MAPKAP1: variants seen among roughly 807,000 people sequenced by gnomAD.
The protein encoded by MAPKAP1 is MAPK associated protein 1.
MAPKAP1 carries 20 observed loss-of-function variants against 65.7 expected under a neutral mutation model. The observed-to-expected ratio is 0.30, with a 90% CI of 0.21 to 0.44. The LOEUF (loss-of-function observed/expected upper bound fraction) is 0.44, where lower values mean the gene tolerates loss of function less well. Ranked by LOEUF, MAPKAP1 falls within the 20% of genes least tolerant of loss-of-function variation. The pLI is 1.00. For missense variants in MAPKAP1, 423 were observed against 648.0 expected (o/e 0.65, Z 3.77); for synonymous variants, 222 against 244.3 (o/e 0.91, Z 0.85).
chr9:125,663,699 CAG>C (rs1014104310), intron 3 of MAPKAP1, among the ~76,000 whole-genome samples: 1 of 151,942 alleles, frequency 6.6e-6, no homozygotes, highest in African/African-American at 2.4e-5. Flanking sequence ...GAAGGGAGGA[CAG>C]AGAGAGCAGA....
rs187521590 is a variant in MAPKAP1 at position 125,663,452 on chromosome 9, C to T, written c.350-5653G>A. 6.6e-4 allele frequency among the ~76,000 whole-genome samples: 101 copies of T among 152,160 alleles called. 1 individual carries two copies. The highest frequency in any genetic ancestry group is 3.5e-3 in the East Asian group (18 of 5,172). On this transcript the variant is annotated intron_variant, in intron 3 of 11. Transcript: ENST00000265960. ...TACACAAAATAGCAAAATTCTCTGC[C>T]TAGCATTCCTTATCCCCCTTACCTG...
In MAPKAP1 at chr9:125,707,073, A is replaced by T; in HGVS notation, c.-172T>A. The T allele has an allele frequency of 2.5e-6, 1 of 397,692 alleles. No individual in the cohort carries two copies. The highest frequency in any genetic ancestry group is 4.4e-6 in the Non-Finnish European group (1 of 225,608). 24.6% of individuals were successfully genotyped at this position (397,692 alleles called of 1,614,324 possible). On this transcript the variant is annotated 5_prime_UTR_variant, in exon 1 of 12. Transcript: ENST00000265960. ...TCCCGGCCCCTGCCCCGAGCTCTGC[A>T]CTCTCGGGATCCACGGGGACCGGCG...
intron 4 of MAPKAP1, among the ~76,000 whole-genome samples, chr9:125,655,597 CTAATT>C (rs1324831911): frequency 1.3e-5 from 2 of 152,138 alleles, no homozygotes; most frequent in Non-Finnish European, 2.9e-5. Context: ...TAAAGAAAGA[CTAATT>C]TAATATGTAC....
intron 4 of MAPKAP1, among the ~76,000 whole-genome samples, chr9:125,598,552 T>C (rs1268851469): frequency 4.6e-5 from 7 of 152,240 alleles, no homozygotes; most frequent in East Asian, 1.9e-4. Context: ...CTATAACTAA[T>C]AGAAACTAGG....
intron 5 of MAPKAP1, among the ~76,000 whole-genome samples, chr9:125,562,421 T>C (rs920529117): frequency 2.0e-5 from 3 of 152,232 alleles, no homozygotes; most frequent in African/African-American, 7.2e-5. Context: ...TGCCATATTA[T>C]ACAAGATGAA....
At position 125,525,274 on chromosome 9, in the gene MAPKAP1, CT is replaced by C. The variant is rs376047379; in HGVS notation, c.958+17784del. 5.1e-3 allele frequency among the ~76,000 whole-genome samples: 771 copies of C among 152,254 alleles called. 4 individuals carry two copies. The highest frequency in any genetic ancestry group is 0.018 in the African/African-American group (727 of 41,530). On this transcript the variant is annotated intron_variant, in intron 7 of 11. Transcript: ENST00000265960. ...CCTTGGTGCTTTGCAAGGATCGCTG[CT>C]TAATTCTCACAATAATGCTATGAAG...
At chr9:125,589,613 T>C (rs1440551487) in intron 4 of MAPKAP1, among the ~76,000 whole-genome samples, 1 of 152,210 alleles carries the variant, frequency 6.6e-6, no homozygotes. Flanking sequence ...TTTAACTCTA[T>C]AATTCTATCA....
At chr9:125,646,560 C>T (rs566706053) in intron 4 of MAPKAP1, among the ~76,000 whole-genome samples, 5 of 152,234 alleles carry the variant, frequency 3.3e-5, no homozygotes, top group Admixed American at 3.3e-4. Flanking sequence ...TAAAACCTTC[C>T]TTAAAAGGGG....
intron 4 of MAPKAP1, among the ~76,000 whole-genome samples, chr9:125,615,284 A>G (rs1564583651): frequency 6.6e-6 from 1 of 152,212 alleles, no homozygotes; most frequent in Non-Finnish European, 1.5e-5. Flanking sequence ...TAAATGATAT[A>G]TCATGTTCAA....
At chr9:125,531,790 C>A (rs1011875120) in intron 7 of MAPKAP1, among the ~76,000 whole-genome samples, 1 of 152,264 alleles carries the variant, frequency 6.6e-6, no homozygotes, top group East Asian at 1.9e-4. Context: ...ATCTATCAAT[C>A]CATTTTTTAA....
rs1413083807 is a variant in MAPKAP1 at position 125,439,776 on chromosome 9, C to T, written c.1444-764G>A. The stretch of plus-strand genomic sequence containing the variant: ...GCTGCACCGCCAGGCGCTTCCCCAG[C>T]GCTACAGCGCTGAGACTTGGTCCTG... On this transcript the variant is annotated intron_variant, in intron 11 of 11. Coordinates refer to ENST00000265960, the MANE Select transcript of MAPKAP1 (RefSeq NM_001006617.3). This position sits in a 1 kb window ranked among gnomAD's most constrained non-coding sequence, Gnocchi z 4.0. Among the ~76,000 whole-genome samples the T allele has an allele frequency of 7.2e-5, 11 of 152,264 alleles. No homozygotes were observed. Among genetic ancestry groups the T allele is most frequent in the Non-Finnish European group, 1.3e-4 (9 of 68,044 alleles).
At chr9:125,477,644 G>C (rs1854159364) in intron 9 of MAPKAP1, among the ~76,000 whole-genome samples, 1 of 152,144 alleles carries the variant, frequency 6.6e-6, no homozygotes, top group African/African-American at 2.4e-5. Context: ...GCTTTCCTTT[G>C]GCTGGTGCAT....
intron 4 of MAPKAP1, among the ~76,000 whole-genome samples, chr9:125,608,285 TGTTA>T (rs1411330883): frequency 3.3e-5 from 5 of 152,234 alleles, no homozygotes; most frequent in Non-Finnish European, 7.3e-5. Flanking sequence ...TTTATTTATT[TGTTA>T]GTCTGATCAT....
rs140313360 is a variant in MAPKAP1, at chr9:125,605,948, T to C, written c.499-20221A>G. Among the ~76,000 whole-genome samples the C allele has an allele frequency of 1.3e-4, 20 of 152,316 alleles. 1 individual carries two copies. The East Asian group carries it at 3.9e-3, about 29-fold the overall frequency. On this transcript the variant is annotated intron_variant, in intron 4 of 11. Coordinates refer to ENST00000265960, the MANE Select transcript of MAPKAP1 (RefSeq NM_001006617.3). Reference sequence around the variant, plus strand: ...TTGAATTCAGGTATTAAGCAATTATTTTCAAATCCTATTATTTAAAATACT... The same window carrying C: ...TTGAATTCAGGTATTAAGCAATTATCTTCAAATCCTATTATTTAAAATACT...
At chr9:125,482,882 G>C (rs1854368393) in intron 9 of MAPKAP1, among the ~76,000 whole-genome samples, 1 of 152,146 alleles carries the variant, frequency 6.6e-6, no homozygotes, top group Non-Finnish European at 1.5e-5. Flanking sequence ...ATGCTCACTA[G>C]GCACTTGCTA....
chr9:125,620,439 G>A (rs1056398057), intron 4 of MAPKAP1, among the ~76,000 whole-genome samples: 1 of 152,236 alleles, frequency 6.6e-6, no homozygotes, highest in African/African-American at 2.4e-5. Flanking sequence ...TCCCGAAGGA[G>A]ACAATTTGGC....
intron 1 of MAPKAP1, among the ~76,000 whole-genome samples, chr9:125,677,475 C>T (rs1834682259): frequency 6.6e-6 from 1 of 152,126 alleles, no homozygotes; most frequent in African/African-American, 2.4e-5. Context: ...GCAGGTGGAT[C>T]ACCTGAGGTC....
At position 125,693,710 on chromosome 9, in the gene MAPKAP1, C is replaced by CACACGT. The variant is rs1554844634; in HGVS notation, c.-70+13260_-70+13261insACGTGT. ...ACGTATATATACACGTATATATACA[C>CACACGT]ATATATACACGTATATACACATATA... On this transcript the variant is annotated intron_variant, in intron 1 of 11. Transcript: ENST00000265960. Among the ~76,000 whole-genome samples, 4 of 130,012 alleles carry CACACGT rather than the reference C, an allele frequency of 3.1e-5. 1 individual carries two copies. The highest frequency in any genetic ancestry group is 1.4e-4 in the African/African-American group (4 of 29,530). The allele number at this position is 130,012 out of a possible 152,430, so 85.3% of individuals were successfully genotyped here. A position where few individuals can be genotyped will look rare whatever the true frequency, so the allele number is the denominator to read the frequency against.
intron 4 of MAPKAP1, among the ~76,000 whole-genome samples, chr9:125,627,222 C>T (rs925733867): frequency 6.6e-5 from 10 of 152,124 alleles, no homozygotes; most frequent in African/African-American, 1.7e-4. Flanking sequence ...TAATCCATGA[C>T]GCCTTCTGAT....
Sources: allele counts gnomAD v4.1 joint callset (sites outside exome capture counted in the v4.1 genomes callset), GRCh38; gene constraint gnomAD v4.1.1; non-coding constraint Gnocchi (gnomAD v3.1); transcripts MANE v1.5; gene names NCBI Gene and HGNC (gene_info 2026-07-23, HGNC 2026-07-21).